C22orf31: variants seen among roughly 807,000 people sequenced by gnomAD.
C22orf31 encodes the protein chromosome 22 open reading frame 31.
In C22orf31, 11 loss-of-function variants were observed where a neutral mutation model predicts 15.0. That is an observed-to-expected ratio of 0.73 (90% CI 0.46 to 1.21). The LOEUF (loss-of-function observed/expected upper bound fraction) is 1.21. Among genes scored for constraint, C22orf31 ranks in the 50% most tolerant of loss-of-function variants. C22orf31 has a pLI of 0.00. For synonymous variants in C22orf31, 132 were observed against 133.3 expected (o/e 0.99, Z 0.07); for missense variants, 340 against 347.2 (o/e 0.98, Z 0.17).
chr22:29,061,717 T>A (rs1272066372), intron 1 of C22orf31, 73 bp downstream of exon 1: 3 of 1,141,576 alleles, frequency 2.6e-6, no homozygotes, highest in Non-Finnish European at 3.8e-6. Context: ...ACAATTTGGA[T>A]AGATTAGAAT....
At chr22:29,065,058 T>A (rs2037420267), upstream of C22orf31, among the ~76,000 whole-genome samples, 1 of 152,086 alleles carries the variant, frequency 6.6e-6, no homozygotes, top group African/African-American at 2.4e-5. Context: ...TTTCACCATG[T>A]TGGCCAGGCT....
rs1310756042 is a variant in C22orf31, at chr22:29,060,769, C to T, written c.78G>A (p.Arg26=). The T allele has an allele frequency of 6.2e-7, 1 of 1,613,966 alleles. No homozygotes were observed. The highest frequency in any genetic ancestry group is 1.1e-5 in the South Asian group (1 of 91,062). ...GLRQSILLNT[R]LQDCYVDSPA... is the part of the protein sequence containing the mutation. The stretch of plus-strand genomic sequence containing the variant: ...GTGAGTCCACATAGCAGTCCTGAAG[C>T]CTGGTATTTAATAAGATGGACTGTC... Residue 26 remains arginine, a synonymous_variant, in exon 2 of 3, where the codon AGG becomes AGA. Transcript: ENST00000216071.
rs376741034 is a variant in C22orf31, at chr22:29,059,102, G to T, written c.513C>A (p.Thr171=). The T allele has an allele frequency of 6.2e-7, 1 of 1,614,122 alleles. No homozygotes were observed. The highest frequency in any genetic ancestry group is 8.5e-7 in the Non-Finnish European group (1 of 1,180,002). ...EDRYAEHVAA[T]QALPQDSGTA... is the part of the protein sequence containing the mutation. ...TCCCACTGTCCTGGGGTAGCGCTTG[G>T]GTGGCAGCCACATGTTCAGCATATC... The change falls in exon 3 of 3, where the codon ACC becomes ACA. Residue 171 remains threonine, a synonymous_variant. Coordinates refer to ENST00000216071, the MANE Select transcript of C22orf31 (RefSeq NM_015370.2).
Position 29,060,581 on chromosome 22 carries a change from C to T in C22orf31, c.266G>A (p.Cys89Tyr). The change falls in exon 2 of 3, where the codon TGC (cysteine) becomes TAC (tyrosine). Residue 89 changes from cysteine (C) to tyrosine (Y), a missense_variant. Coordinates refer to ENST00000216071, the MANE Select transcript of C22orf31 (RefSeq NM_015370.2). The stretch of plus-strand genomic sequence containing the variant: ...TCCAAACTTGCATGGTGGTGGGCAG[C>T]ACTTATTCTTCAGTTGCCGCCTGAG... ...LVLRRQLKNK[C>Y]CPPPCKFGEG... is the part of the protein sequence containing the mutation. The T allele has an allele frequency of 3.7e-6, 6 of 1,614,138 alleles. No individual in the cohort carries two copies. Among genetic ancestry groups the T allele is most frequent in the Non-Finnish European group, 5.1e-6 (6 of 1,180,038 alleles).
the C22orf31 span, among the ~76,000 whole-genome samples, chr22:29,071,865 G>A: frequency 1.3e-5 from 2 of 152,232 alleles, no homozygotes; most frequent in African/African-American, 4.8e-5. Context: ...TGTAGGATAA[G>A]CAGTACTGTC....
At chr22:29,066,539 CTTTTTTTTTTTTTTTTTTTTTTTTTT>C (rs134565), upstream of C22orf31, among the ~76,000 whole-genome samples, 9 of 70,208 alleles carry the variant, frequency 1.3e-4, no homozygotes, top group African/African-American at 3.7e-4. Flanking sequence ...CTTTTCTTTT[CTTTTTTTTTTTTTTTTTTTTTTTTTT>C]TTTTTTTTTT....
In C22orf31 at chr22:29,061,819, C is replaced by A. The variant is rs771989755; in HGVS notation, c.-27G>T. 2.6e-6 allele frequency: 4 copies of A among 1,525,740 alleles called. No homozygotes were observed. Among genetic ancestry groups the A allele is most frequent in the Non-Finnish European group, 3.6e-6 (4 of 1,112,560 alleles). The allele number at this position is 1,525,740 out of a possible 1,614,324, so 94.5% of individuals were successfully genotyped here. A position where few individuals can be genotyped will look rare whatever the true frequency, so the allele number is the denominator to read the frequency against. On this transcript the variant is annotated 5_prime_UTR_variant, in exon 1 of 3. Transcript: ENST00000216071. ...TTTCAGTTGCCTTAAATTTTATTTT[C>A]GCTAGCTTAGTAAGGGGAAGAAATA...
intron 1 of C22orf31, among the ~76,000 whole-genome samples, chr22:29,061,048 A>G (rs935993899): frequency 3.3e-5 from 5 of 152,186 alleles, no homozygotes; most frequent in Non-Finnish European, 7.3e-5. Context: ...ACAAGGTTAC[A>G]GTAATATTCA....
chr22:29,061,719 G>T lies in C22orf31; in HGVS notation c.3+71C>A, dbSNP rs535791997. 7 of 1,175,906 alleles carry T rather than the reference G, an allele frequency of 6.0e-6. No individual in the cohort carries two copies. The African/African-American group carries it at 6.2e-5, about 10-fold the overall frequency. The allele number at this position is 1,175,906 out of a possible 1,614,324, so 72.8% of individuals were successfully genotyped here. ...TAAGAGCAACAGAACAATTTGGATA[G>T]ATTAGAATCACATATTTAAAGAGAT... On this transcript the variant is annotated intron_variant, in intron 1 of 2. Transcript: ENST00000216071.
the C22orf31 span, among the ~76,000 whole-genome samples, chr22:29,069,721 G>C: frequency 6.6e-6 from 1 of 152,114 alleles, no homozygotes; most frequent in Non-Finnish European, 1.5e-5. Context: ...CCTGTGCTGG[G>C]CTTTCAGCTG....
In C22orf31 at chr22:29,061,820, G is replaced by T; in HGVS notation, c.-28C>A. 1.3e-6 allele frequency: 2 copies of T among 1,517,086 alleles called. No individual in the cohort carries two copies. Among genetic ancestry groups the T allele is most frequent in the South Asian group, 1.2e-5 (1 of 83,590 alleles). 94.0% of individuals were successfully genotyped at this position (1,517,086 alleles called of 1,614,324 possible). The stretch of plus-strand genomic sequence containing the variant: ...TTCAGTTGCCTTAAATTTTATTTTC[G>T]CTAGCTTAGTAAGGGGAAGAAATAT... On this transcript the variant is annotated 5_prime_UTR_variant, in exon 1 of 3. Transcript: ENST00000216071.
the C22orf31 span, among the ~76,000 whole-genome samples, chr22:29,071,382 G>C: frequency 6.6e-6 from 1 of 152,088 alleles, no homozygotes. Flanking sequence ...GCCCGGCCCT[G>C]CGAGCAGCCG....
chr22:29,073,009 C>A, the C22orf31 span: 1 of 157,624 alleles, frequency 6.3e-6, no homozygotes, highest in African/African-American at 2.4e-5. This position sits in a 1 kb window ranked among gnomAD's most constrained non-coding sequence, Gnocchi z 4.4. Flanking sequence ...CGGGGCGGGG[C>A]GGCCGGGCGG....
chr22:29,058,972 C>T lies in C22orf31; in HGVS notation c.643G>A (p.Ala215Thr). The T allele has an allele frequency of 1.2e-6, 2 of 1,614,036 alleles. No individual in the cohort carries two copies. Among genetic ancestry groups the T allele is most frequent in the Non-Finnish European group, 1.7e-6 (2 of 1,179,936 alleles). Residue 215 changes from alanine to threonine, a missense_variant, in exon 3 of 3, where the codon GCT becomes ACT. By Grantham distance (58) the Ala-to-Thr change is moderately conservative (BLOSUM62 0). Coordinates refer to ENST00000216071, the MANE Select transcript of C22orf31 (RefSeq NM_015370.2). ...IHGLPTEGYQ[A>T]LYHAVVEPML... The stretch of plus-strand genomic sequence containing the variant: ...GGCTCCACCACAGCGTGGTACAGAG[C>T]CTGGTAACCCTCTGTGGGGAGACCA...
intron 2 of C22orf31, chr22:29,059,553 A>G: frequency 3.3e-6 from 1 of 302,968 alleles, no homozygotes; most frequent in Non-Finnish European, 4.9e-6. Context: ...CTATGAGGGA[A>G]GGGCCGTTAT....
At chr22:29,060,019 T>TTA in intron 2 of C22orf31, 9 of 886,586 alleles carry the variant, frequency 1.0e-5, no homozygotes, top group African/African-American at 2.4e-5. Context: ...TTTTTTTCTT[T>TTA]TCTTTTTTTT....
In C22orf31 at chr22:29,059,670, C is replaced by G. The variant is rs140087268; in HGVS notation, c.433-488G>C. On this transcript the variant is annotated intron_variant, in intron 2 of 2. Transcript: ENST00000216071. ...AACCCTGATGGCCTGCTGGCCACCA[C>G]GGGGTAACATACCTGGATTCCAATC... 1.8e-3 allele frequency: 1,772 copies of G among 984,088 alleles called. 22 individuals are homozygous for G. In the African/African-American group the frequency reaches 0.029, roughly 16 times the overall value. 61.0% of individuals were successfully genotyped at this position (984,088 alleles called of 1,614,324 possible).
the C22orf31 span, chr22:29,073,224 C>A: frequency 8.6e-7 from 1 of 1,168,860 alleles, no homozygotes; most frequent in Non-Finnish European, 1.1e-6. This position sits in a 1 kb window ranked among gnomAD's most constrained non-coding sequence, Gnocchi z 4.4. Context: ...CGGCCCCGGA[C>A]CCGGTGAGTG....
chr22:29,073,059 A>C, the C22orf31 span: 1 of 336,444 alleles, frequency 3.0e-6, no homozygotes, highest in Non-Finnish European at 4.2e-6. This position sits in a 1 kb window ranked among gnomAD's most constrained non-coding sequence, Gnocchi z 4.4. Context: ...TCCTGCTCCC[A>C]TGGCCGCCCC....
Sources: allele counts gnomAD v4.1 joint callset (sites outside exome capture counted in the v4.1 genomes callset), GRCh38; gene constraint gnomAD v4.1.1; non-coding constraint Gnocchi (gnomAD v3.1); transcripts MANE v1.5; gene names NCBI Gene and HGNC (gene_info 2026-07-23, HGNC 2026-07-21).